Variants in GABRB2 observed in about 807,000 individuals in gnomAD.
GABRB2 encodes gamma-aminobutyric acid type A receptor subunit beta2.
GABRB2 carries 16 observed loss-of-function variants against 54.7 expected under a neutral mutation model. That is an observed-to-expected ratio of 0.29 (90% CI 0.20 to 0.44). The LOEUF is 0.44. Among genes scored for constraint, GABRB2 ranks in the 20% least tolerant of loss-of-function variants. GABRB2 has a pLI of 1.00. For missense variants in GABRB2, 355 were observed against 644.0 expected, an observed-to-expected ratio of 0.55 and a Z score of 4.86; for synonymous variants, 244 against 233.8, an observed-to-expected ratio of 1.04 and a Z score of -0.40.
rs1269910249 is a variant in GABRB2, at chr5:161,331,387, C to T, written c.833-260G>A. On this transcript the variant is annotated intron_variant, in intron 7 of 9. Coordinates refer to ENST00000393959, the MANE Select transcript of GABRB2 (RefSeq NM_001371727.1). ...TTATATATCTAGTGCGGGGTTAAAA[C>T]GTGAATTAAATGCTATGATGGGCAC... Among the ~76,000 whole-genome samples the T allele has an allele frequency of 4.0e-5, 6 of 151,888 alleles. No individual in the cohort carries two copies. The South Asian group carries it at 1.0e-3, about 26-fold the overall frequency.
chr5:161,325,531 C>T (rs1419248713), intron 9 of GABRB2, among the ~76,000 whole-genome samples: 1 of 151,996 alleles, frequency 6.6e-6, no homozygotes, highest in Non-Finnish European at 1.5e-5. Context: ...TAAGGGATAG[C>T]CTGATACTTA....
intron 3 of GABRB2, among the ~76,000 whole-genome samples, chr5:161,509,659 C>A (rs1345637221): frequency 6.6e-6 from 1 of 151,946 alleles, no homozygotes; most frequent in Non-Finnish European, 1.5e-5. Flanking sequence ...CACATCACCA[C>A]CTTCAAGGAG....
intron 4 of GABRB2, among the ~76,000 whole-genome samples, chr5:161,441,143 A>T (rs1395521657): frequency 1.3e-5 from 2 of 152,208 alleles, no homozygotes; most frequent in African/African-American, 4.8e-5. Flanking sequence ...GCATCTGCAC[A>T]GTAAAGGGTA....
intron 3 of GABRB2, among the ~76,000 whole-genome samples, chr5:161,485,749 A>T (rs367746163): frequency 2.6e-5 from 4 of 151,970 alleles, no homozygotes; most frequent in African/African-American, 9.6e-5. Flanking sequence ...TTGCCATGTG[A>T]TTCAAGCTAG....
rs570047492 is a variant in GABRB2 at position 161,513,390 on chromosome 5, T to C, written c.237+31837A>G. 2.0e-5 allele frequency among the ~76,000 whole-genome samples: 3 copies of C among 152,056 alleles called. No individual in the cohort carries two copies. In the East Asian group the frequency reaches 5.8e-4, roughly 29 times the overall value. On this transcript the variant is annotated intron_variant, in intron 3 of 9. Transcript: ENST00000393959. ...GACATGGAACCAACCTAAGTGCCCA[T>C]CAACAGCGGATTCATAAAGAAAATG...
intron 4 of GABRB2, among the ~76,000 whole-genome samples, chr5:161,417,805 AT>A (rs1250769742): frequency 6.6e-6 from 1 of 152,162 alleles, no homozygotes; most frequent in East Asian, 1.9e-4. Context: ...ATTCCTCGCC[AT>A]TCTATCCTCT....
intron 5 of GABRB2, among the ~76,000 whole-genome samples, chr5:161,377,794 A>T (rs1267598448): frequency 1.3e-5 from 2 of 152,082 alleles, no homozygotes; most frequent in African/African-American, 4.8e-5. Context: ...TATTAAATTT[A>T]TAAACCAGTA....
intron 4 of GABRB2, among the ~76,000 whole-genome samples, chr5:161,457,381 G>A (rs1309764355): frequency 6.6e-6 from 1 of 151,696 alleles, no homozygotes; most frequent in Non-Finnish European, 1.5e-5. Context: ...TTTGATTAAT[G>A]ACTTAATGAT....
chr5:161,309,661 C>T (rs1305093007), intron 9 of GABRB2, among the ~76,000 whole-genome samples: 6 of 149,930 alleles, frequency 4.0e-5, no homozygotes, highest in Admixed American at 2.0e-4. Context: ...GATGGAGTCT[C>T]GCTCTGTTGC....
chr5:161,369,881 A>C (rs556595459), intron 5 of GABRB2, among the ~76,000 whole-genome samples: 1 of 152,244 alleles, frequency 6.6e-6, no homozygotes, highest in Non-Finnish European at 1.5e-5. Flanking sequence ...AGGCAATTTT[A>C]ATGATGTTAA....
chr5:161,515,860 T>C (rs939508159), intron 3 of GABRB2, among the ~76,000 whole-genome samples: 1 of 152,082 alleles, frequency 6.6e-6, no homozygotes, highest in South Asian at 2.1e-4. Context: ...CATAGTAACA[T>C]AGGTAGAACA....
At chr5:161,530,650 G>A (rs987531200) in intron 3 of GABRB2, among the ~76,000 whole-genome samples, 1 of 152,012 alleles carries the variant, frequency 6.6e-6, no homozygotes, top group Non-Finnish European at 1.5e-5. Context: ...AAATCTGAAG[G>A]AAATGTAAAG....
At chr5:161,543,833 G>A (rs115933773) in intron 3 of GABRB2, among the ~76,000 whole-genome samples, 3,046 of 152,258 alleles carry the variant, frequency 0.02, 42 homozygotes, top group Middle Eastern at 0.054. Flanking sequence ...TTCATAATGT[G>A]AGGGAAATTT....
intron 9 of GABRB2, among the ~76,000 whole-genome samples, chr5:161,320,296 GATTA>G (rs961051893): frequency 6.6e-6 from 1 of 151,722 alleles, no homozygotes; most frequent in Non-Finnish European, 1.5e-5. Context: ...CACAACTGAG[GATTA>G]ATTATGTAGT....
Position 161,289,301 on chromosome 5 carries a change from C to T in GABRB2, c.*4780G>A, listed in dbSNP as rs1218883972. The stretch of plus-strand genomic sequence containing the variant: ...TCATTAGCATTCTGTTCACTCCTTT[C>T]TGGTTTTTACAATGTTCCTAGTGCA... On this transcript the variant is annotated 3_prime_UTR_variant, in exon 10 of 10. Coordinates refer to ENST00000393959, the MANE Select transcript of GABRB2 (RefSeq NM_001371727.1). 2.1e-5 allele frequency: 2 copies of T among 93,506 alleles called. No homozygotes were observed. The highest frequency in any genetic ancestry group is 4.0e-5 in the Non-Finnish European group (2 of 50,522). 5.8% of individuals were successfully genotyped at this position (93,506 alleles called of 1,614,324 possible).
intron 4 of GABRB2, among the ~76,000 whole-genome samples, chr5:161,452,944 C>T (rs1757833715): frequency 1.3e-5 from 2 of 152,070 alleles, no homozygotes; most frequent in Non-Finnish European, 2.9e-5. Context: ...TGCTGTGAGT[C>T]GAGATTGCAT....
chr5:161,411,989 G>T (rs1449532228), intron 4 of GABRB2, among the ~76,000 whole-genome samples: 1 of 152,084 alleles, frequency 6.6e-6, no homozygotes, highest in Non-Finnish European at 1.5e-5. Flanking sequence ...ATTTCCATCT[G>T]CTGAGGGAAA....
chr5:161,460,114 G>C (rs1758074457), intron 3 of GABRB2, among the ~76,000 whole-genome samples: 1 of 152,040 alleles, frequency 6.6e-6, no homozygotes, highest in Admixed American at 6.6e-5. Flanking sequence ...CCAGCTCTTT[G>C]TTTGTATTTT....
chr5:161,513,056 G>GAAAAAAAAAAAAAA (rs755660749), intron 3 of GABRB2, among the ~76,000 whole-genome samples: 1 of 135,932 alleles, frequency 7.4e-6, no homozygotes. Context: ...AAAGAAAAAA[G>GAAAAAAAAAAAAAA]AAAAAAAAAA....
Sources: gnomAD v4.1 joint callset for allele counts (sites outside exome capture counted in the v4.1 genomes callset) on GRCh38, gnomAD v4.1.1 for gene constraint, MANE v1.5 for transcripts, NCBI Gene and HGNC (gene_info 2026-07-23, HGNC 2026-07-21) for gene names.